The following WDFY4 variants were observed in gnomAD, a reference collection of about 807,000 sequenced individuals.
WDFY4 encodes the protein WD repeat- and FYVE domain-containing protein 4.
A neutral mutation model predicts 351.9 loss-of-function variants in WDFY4; 169 were observed. That is an observed-to-expected ratio of 0.48 (90% CI 0.42 to 0.55). The LOEUF is 0.55. WDFY4 is among the 20% of genes least tolerant of loss of function. WDFY4 has a pLI of 0.00. For synonymous variants in WDFY4, 1,622 were observed against 1,574.6 expected (o/e 1.03, Z -0.71); for missense variants, 3,803 against 3,935.6 (o/e 0.97, Z 0.90).
chr10:48,923,982 G>A (rs2133611352), intron 47 of WDFY4, among the ~76,000 whole-genome samples: 1 of 152,316 alleles, frequency 6.6e-6, no homozygotes, highest in Non-Finnish European at 1.5e-5. Flanking sequence ...AGCCCTCCCA[G>A]CTCTGATGAA....
chr10:48,719,478 G>C (rs1002559016), intron 2 of WDFY4, among the ~76,000 whole-genome samples: 1 of 151,996 alleles, frequency 6.6e-6, no homozygotes. Context: ...TCTGGAAGCT[G>C]AGTTAGTAAT....
At position 48,733,992 on chromosome 10, in the gene WDFY4, G is replaced by A. The variant is rs1280018310; in HGVS notation, c.1644G>A (p.Leu548=). 5 of 1,551,866 alleles carry A rather than the reference G, an allele frequency of 3.2e-6. No individual in the cohort carries two copies. In the African/African-American group the frequency reaches 4.1e-5, roughly 13 times the overall value. Residue 548 remains leucine, a synonymous_variant, in exon 10 of 62, where the codon CTG becomes CTA. Coordinates refer to ENST00000325239, the MANE Select transcript of WDFY4 (RefSeq NM_001394531.1). ...DPERELTCVM[L]RIVVTLLKGS... ...AAAGAGAACTCACCTGTGTGATGCTGAGGATTGTAGTCACACTTCTGAAAG... is the reference window on the plus strand; with the variant it reads ...AAAGAGAACTCACCTGTGTGATGCTAAGGATTGTAGTCACACTTCTGAAAG...
intron 13 of WDFY4, among the ~76,000 whole-genome samples, chr10:48,765,380 C>T (rs982450532): frequency 2.0e-5 from 3 of 152,166 alleles, no homozygotes; most frequent in Non-Finnish European, 4.4e-5. Context: ...TGATTCTTAA[C>T]TTCCTTTGTG....
intron 13 of WDFY4, among the ~76,000 whole-genome samples, 185 bp from the exon 14 acceptor site, chr10:48,774,273 G>C (rs953708750): frequency 1.5e-5 from 2 of 135,952 alleles, no homozygotes; most frequent in Non-Finnish European, 3.1e-5. Flanking sequence ...CCACAGACTT[G>C]CCCCCCGCCA....
intron 51 of WDFY4, among the ~76,000 whole-genome samples, chr10:48,951,876 C>T (rs1564524132): frequency 1.3e-5 from 2 of 152,076 alleles, no homozygotes; most frequent in East Asian, 3.9e-4. Context: ...AGGCAGCCGG[C>T]GCCCACCAAA....
chr10:48,692,961 G>A (rs569797311), intron 1 of WDFY4, among the ~76,000 whole-genome samples: 4 of 152,308 alleles, frequency 2.6e-5, no homozygotes, highest in South Asian at 4.1e-4. Flanking sequence ...TGCTTCTTGT[G>A]TTGAGGGGGG....
intron 40 of WDFY4, among the ~76,000 whole-genome samples, chr10:48,870,322 T>C (rs374080740): frequency 6.6e-6 from 1 of 152,108 alleles, no homozygotes; most frequent in African/African-American, 2.4e-5. Flanking sequence ...GATTGTTTGA[T>C]GACAGGAGCT....
At chr10:48,844,864 A>G (rs114343743) in intron 39 of WDFY4, among the ~76,000 whole-genome samples, 1,627 of 152,318 alleles carry the variant, frequency 0.011, 28 homozygotes, top group African/African-American at 0.037. Context: ...TGGCAAGCAC[A>G]TGGGAATGCA....
At chr10:48,930,745 AATG>A (rs1839945213) in intron 47 of WDFY4, among the ~76,000 whole-genome samples, 5 of 152,240 alleles carry the variant, frequency 3.3e-5, no homozygotes, top group Non-Finnish European at 7.3e-5. Context: ...TTAAATAATT[AATG>A]TGTAATCATA....
rs1200372121 is a variant in WDFY4 at position 48,743,214 on chromosome 10, G to A, written c.2125G>A (p.Glu709Lys). ...GYFFRRNGLF[E>K]KLAEDLCLLG... ...CTTCTTCAGGAGGAATGGGCTCTTT[G>A]AGAAGCTGGCCGAGGACCTCTGCCT... is the stretch of plus-strand genomic sequence containing the variant. Residue 709 changes from glutamate (E) to lysine (K), a missense_variant, in exon 12 of 62, where the codon GAG becomes AAG. Physicochemically the swap from Glu to Lys is moderately conservative, Grantham distance 56. This residue lies in a region of WDFY4 where 3,054 missense variants were observed against 3,148.6 expected (regional missense o/e 0.97). Coordinates refer to ENST00000325239, the MANE Select transcript of WDFY4 (RefSeq NM_001394531.1). 1.9e-6 allele frequency: 3 copies of A among 1,551,740 alleles called. No homozygotes were observed. The highest frequency in any genetic ancestry group is 2.6e-6 in the Non-Finnish European group (3 of 1,147,004).
intron 43 of WDFY4, 136 bp from the exon 44 acceptor site, chr10:48,890,443 G>A: frequency 9.5e-7 from 1 of 1,055,912 alleles, no homozygotes; most frequent in Non-Finnish European, 1.4e-6. Flanking sequence ...TGGGACAGCG[G>A]GACTGCCATT....
chr10:48,946,234 G>T (rs1046290554), intron 50 of WDFY4, 77 bp downstream of exon 50: 3 of 1,137,760 alleles, frequency 2.6e-6, no homozygotes, highest in East Asian at 5.3e-5. Flanking sequence ...TAACAATTAA[G>T]GTGGTCACCT....
rs191537153 is a variant in WDFY4, at chr10:48,852,669, G to A, written c.6664-14596G>A. ...TGAGGTGTGAACCATCTCACTCTCC[G>A]TGCACCAGCTACAGCCTCATCCCCA... is the stretch of plus-strand genomic sequence containing the variant. On this transcript the variant is annotated intron_variant, in intron 39 of 61. Transcript: ENST00000325239. Among the ~76,000 whole-genome samples the A allele has an allele frequency of 2.4e-4, 37 of 152,144 alleles. 1 individual carries two copies. Among genetic ancestry groups the A allele is most frequent in the Middle Eastern group, 6.8e-3 (2 of 294 alleles).
rs546602755 is a variant in WDFY4, at chr10:48,903,152, A to G, written c.7586+1289A>G. On this transcript the variant is annotated intron_variant, in intron 47 of 61. Coordinates refer to ENST00000325239, the MANE Select transcript of WDFY4 (RefSeq NM_001394531.1). ...ACATGTTATGCAGTTAATTGAGTAA[A>G]GAGTGTGTCAGACCCAGGGAAGAGC... Among the ~76,000 whole-genome samples, 3 of 152,304 alleles carry G rather than the reference A, an allele frequency of 2.0e-5. No individual in the cohort carries two copies. In the East Asian group the frequency reaches 5.8e-4, roughly 29 times the overall value.
At chr10:48,851,905 A>G (rs2068969345) in intron 39 of WDFY4, among the ~76,000 whole-genome samples, 1 of 152,240 alleles carries the variant, frequency 6.6e-6, no homozygotes, top group African/African-American at 2.4e-5. Flanking sequence ...AGGCACTGGG[A>G]GAGCAGGGCC....
intron 39 of WDFY4, among the ~76,000 whole-genome samples, chr10:48,861,974 T>A (rs956083611): frequency 6.6e-6 from 1 of 152,248 alleles, no homozygotes; most frequent in Non-Finnish European, 1.5e-5. Flanking sequence ...CCTTGCATTC[T>A]GCTGTTTTAC....
At chr10:48,910,104 T>C in intron 47 of WDFY4, 1 of 803,910 alleles carries the variant, frequency 1.2e-6, no homozygotes, top group Non-Finnish European at 2.1e-6. Flanking sequence ...GTCGGTGGCT[T>C]GGCCAGCTCC....
chr10:48,792,138 C>T (rs2066704192), intron 23 of WDFY4, among the ~76,000 whole-genome samples: 2 of 152,230 alleles, frequency 1.3e-5, no homozygotes, highest in Admixed American at 6.5e-5. Flanking sequence ...AATCCTGCAC[C>T]TTCTCCAATC....
intron 53 of WDFY4, 66 bp downstream of exon 53, chr10:48,959,879 G>A (rs1229363521): frequency 6.9e-7 from 1 of 1,444,562 alleles, no homozygotes; most frequent in African/African-American, 1.4e-5. Context: ...TTCCACCGAG[G>A]CTTTCTGTCC....
Sources: gnomAD v4.1 joint callset for allele counts (sites outside exome capture counted in the v4.1 genomes callset) on GRCh38, gnomAD v4.1.1 for gene constraint, gnomAD v4.1.1 regional missense constraint, MANE v1.5 for transcripts, NCBI Gene and HGNC (gene_info 2026-07-23, HGNC 2026-07-21) for gene names.